Variants in PCDHA3 observed in about 807,000 individuals in gnomAD.
The protein encoded by PCDHA3 is protocadherin alpha 3.
In PCDHA3, 41 loss-of-function variants were observed where a neutral mutation model predicts 62.2. That is an observed-to-expected ratio of 0.66 (90% CI 0.51 to 0.86). The LOEUF (loss-of-function observed/expected upper bound fraction) is 0.86. PCDHA3 is among the 40% of genes least tolerant of loss of function. The pLI is 0.00. For synonymous variants in PCDHA3, 640 were observed against 555.4 expected (o/e 1.15, Z -2.14); for missense variants, 1,304 against 1,241.2 (o/e 1.05, Z -0.76).
chr5:140,870,707 G>A, intron 1 of PCDHA3: 1 of 1,613,076 alleles, frequency 6.2e-7, no homozygotes, highest in Non-Finnish European at 8.5e-7. Context: ...TTCCAGGTGA[G>A]CGCGCGCGAT....
intron 1 of PCDHA3, chr5:140,841,873 A>T: frequency 6.2e-7 from 1 of 1,613,866 alleles, no homozygotes; most frequent in Non-Finnish European, 8.5e-7. Context: ...ATGTGAATTC[A>T]AAGAACGATG....
rs782468129 is a variant in PCDHA3 at position 140,801,323 on chromosome 5, C to G, written c.126C>G (p.Gly42=). 1 of 1,613,308 alleles carries G rather than the reference C, an allele frequency of 6.2e-7. No individual in the cohort carries two copies. The highest frequency in any genetic ancestry group is 8.5e-7 in the Non-Finnish European group (1 of 1,179,928). The change falls in exon 1 of 4, where the codon GGC becomes GGG. Residue 42 remains glycine, a synonymous_variant. Transcript: ENST00000522353. ...HYSVSEEAKH[G]TFVGRIAQDL... ...CCGTCTCTGAGGAGGCCAAGCATGGCACCTTCGTGGGCCGCATCGCGCAGG... is the reference window on the plus strand; with the variant it reads ...CCGTCTCTGAGGAGGCCAAGCATGGGACCTTCGTGGGCCGCATCGCGCAGG...
intron 1 of PCDHA3, chr5:140,809,326 C>A: frequency 1.2e-6 from 2 of 1,614,112 alleles, no homozygotes; most frequent in Non-Finnish European, 1.7e-6. Context: ...TTTTGGTGCT[C>A]ACGCTGCTGC....
intron 1 of PCDHA3, chr5:140,835,804 T>C (rs1344050034): frequency 6.2e-7 from 1 of 1,612,866 alleles, no homozygotes; most frequent in East Asian, 2.2e-5. Context: ...GGCTGCCACA[T>C]CTTCACTGTG....
At chr5:140,818,623 G>T (rs970158676) in intron 1 of PCDHA3, among the ~76,000 whole-genome samples, 1 of 152,122 alleles carries the variant, frequency 6.6e-6, no homozygotes, top group Admixed American at 6.5e-5. Context: ...GATTGCTTGA[G>T]CCCAGGAGTT....
At position 140,997,696 on chromosome 5, in the gene PCDHA3, GTA is replaced by G. The variant is rs1328869274; in HGVS notation, c.2543-11929_2543-11928del. On this transcript the variant is annotated intron_variant, in intron 3 of 3. Transcript: ENST00000522353. ...TGTGTGTGTGTGTGTGTGTGTGTGT[GTA>G]TGTTAACAAACACCTTTCTACGTCA... Among the ~76,000 whole-genome samples, 208 of 148,602 alleles carry G rather than the reference GTA, an allele frequency of 1.4e-3. 1 individual carries two copies. Among genetic ancestry groups the G allele is most frequent in the African/African-American group, 4.8e-3 (197 of 40,710 alleles).
chr5:140,926,441 A>G (rs1476576189), intron 1 of PCDHA3: 1 of 154,800 alleles, frequency 6.5e-6, no homozygotes, highest in African/African-American at 2.4e-5. Context: ...AGATCTGGGC[A>G]GCCTCAGGGC....
intron 1 of PCDHA3, among the ~76,000 whole-genome samples, chr5:140,908,928 A>G (rs1426452860): frequency 6.6e-6 from 1 of 152,224 alleles, no homozygotes; most frequent in Non-Finnish European, 1.5e-5. Flanking sequence ...GGCCAAATGC[A>G]GCAACTTATC....
At position 140,915,662 on chromosome 5, in the gene PCDHA3, G is replaced by T. The variant is rs75670796; in HGVS notation, c.2395-63287G>T. On this transcript the variant is annotated intron_variant, in intron 1 of 3. Transcript: ENST00000522353. ...TCTCTCTCTCTCTCTCTCTCAAGGT[G>T]CTGGGCCATCTTGAACTAGGGGTAT... is the stretch of plus-strand genomic sequence containing the variant. 8.2e-3 allele frequency among the ~76,000 whole-genome samples: 1,195 copies of T among 145,332 alleles called. 7 individuals are homozygous for T. Among genetic ancestry groups the T allele is most frequent in the African/African-American group, 0.02 (782 of 39,430 alleles).
At chr5:140,967,298 G>A in intron 1 of PCDHA3, 1 of 1,612,692 alleles carries the variant, frequency 6.2e-7, no homozygotes, top group Non-Finnish European at 8.5e-7. Flanking sequence ...CCCCGACGTG[G>A]GCGCCAACTC....
chr5:140,882,542 C>A, intron 1 of PCDHA3: 5 of 1,614,166 alleles, frequency 3.1e-6, no homozygotes, highest in Non-Finnish European at 3.4e-6. Context: ...TCGGATCGAC[C>A]GCGAGGAGCT....
chr5:141,004,402 A>T (rs2098165262), intron 3 of PCDHA3, among the ~76,000 whole-genome samples: 1 of 152,188 alleles, frequency 6.6e-6, no homozygotes, highest in African/African-American at 2.4e-5. Context: ...TGGAGGAGGC[A>T]CCTGACTAGA....
intron 1 of PCDHA3, among the ~76,000 whole-genome samples, chr5:140,939,634 G>C (rs1032922800): frequency 3.9e-5 from 6 of 152,066 alleles, no homozygotes; most frequent in African/African-American, 7.2e-5. Context: ...AATCAATAAG[G>C]GTACTGAAAA....
rs2150214533 is a variant in PCDHA3, at chr5:140,834,253, C to T, written c.2394+30662C>T. On this transcript the variant is annotated intron_variant, in intron 1 of 3. Transcript: ENST00000522353. ...GTCATTCCTTTTCGCACTGGAAAGA[C>T]GCTCCACTCTCTTTCACTCTTTGGA... The T allele has an allele frequency of 2.7e-5, 25 of 919,776 alleles. No homozygotes were observed. The East Asian group carries it at 5.9e-4, about 22-fold the overall frequency. The allele number at this position is 919,776 out of a possible 1,614,324, so 57.0% of individuals were successfully genotyped here. A position where few individuals can be genotyped will look rare whatever the true frequency, so the allele number is the denominator to read the frequency against.
At chr5:140,809,680 CT>C (rs1439058866) in intron 1 of PCDHA3, 58 of 1,338,236 alleles carry the variant, frequency 4.3e-5, no homozygotes, top group Non-Finnish European at 5.4e-5. Context: ...AATTTTACCT[CT>C]TTTTACATAT....
chr5:140,826,442 G>A (rs1447945219), intron 1 of PCDHA3, among the ~76,000 whole-genome samples: 4 of 152,148 alleles, frequency 2.6e-5, no homozygotes, highest in Non-Finnish European at 5.9e-5. Context: ...TGGAAGAAAA[G>A]GCTTTGTGTC....
chr5:140,822,217 GA>G, intron 1 of PCDHA3: 1 of 1,614,270 alleles, frequency 6.2e-7, no homozygotes, highest in Non-Finnish European at 8.5e-7. Flanking sequence ...AAGAATGCCA[GA>G]TTCGCGGTTT....
chr5:140,829,552 C>A (rs1302023406), intron 1 of PCDHA3: 5 of 1,612,754 alleles, frequency 3.1e-6, no homozygotes, highest in African/African-American at 1.3e-5. Context: ...CGCAGGAGAA[C>A]GCGCTGGTGT....
intron 1 of PCDHA3, chr5:140,884,671 A>G (rs1554181819): frequency 1.3e-6 from 2 of 1,562,846 alleles, no homozygotes; most frequent in African/African-American, 2.7e-5. Context: ...AGGTAAGCTT[A>G]TATTTTAAAA....
Sources: gnomAD v4.1 joint callset for allele counts (sites outside exome capture counted in the v4.1 genomes callset) on GRCh38, gnomAD v4.1.1 for gene constraint, MANE v1.5 for transcripts, NCBI Gene and HGNC (gene_info 2026-07-23, HGNC 2026-07-21) for gene names.